The following PTPRK variants were observed in gnomAD, a reference collection of about 807,000 sequenced individuals.
PTPRK encodes the protein protein tyrosine phosphatase receptor type K.
Under a neutral mutation model 178.0 loss-of-function variants are expected in PTPRK, and 75 were observed. The ratio of observed to expected loss-of-function variants is 0.42; its 90% CI spans 0.35 to 0.51. The LOEUF (loss-of-function observed/expected upper bound fraction) is 0.51, where lower values mean the gene tolerates loss of function less well. PTPRK is among the 20% of genes least tolerant of loss of function. The pLI, the probability that PTPRK is intolerant of heterozygous loss-of-function variation, is 0.02. For missense variants in PTPRK, 1,441 were observed against 1,797.8 expected (o/e 0.80, Z 3.59); for synonymous variants, 637 against 620.6 (o/e 1.03, Z -0.39).
intron 13 of PTPRK, among the ~76,000 whole-genome samples, chr6:128,058,292 T>C (rs1339851877): frequency 6.6e-6 from 1 of 152,194 alleles, no homozygotes; most frequent in Non-Finnish European, 1.5e-5. Context: ...GTAGGAGATT[T>C]CCAGTTATTT....
intron 8 of PTPRK, among the ~76,000 whole-genome samples, chr6:128,086,066 A>G (rs1785752704): frequency 6.6e-6 from 1 of 152,302 alleles, no homozygotes; most frequent in South Asian, 2.1e-4. Context: ...GATTGCAGGG[A>G]ATGTCACTTC....
chr6:128,470,402 CG>C (rs980973505), intron 1 of PTPRK, among the ~76,000 whole-genome samples: 5 of 149,610 alleles, frequency 3.3e-5, no homozygotes, highest in African/African-American at 1.2e-4. Context: ...ACCTCTAATG[CG>C]TTTTTTTTTA....
At chr6:128,449,683 A>G (rs1334674075) in intron 1 of PTPRK, among the ~76,000 whole-genome samples, 3 of 152,144 alleles carry the variant, frequency 2.0e-5, no homozygotes, top group Non-Finnish European at 4.4e-5. Context: ...TTTGCATGTG[A>G]ATTAGGTGCT....
intron 7 of PTPRK, among the ~76,000 whole-genome samples, chr6:128,134,034 T>C (rs1009616674): frequency 2.0e-5 from 3 of 152,218 alleles, no homozygotes; most frequent in Non-Finnish European, 2.9e-5. Context: ...CCTATGAGCT[T>C]TTATTGGCCC....
At chr6:128,336,975 G>A (rs1254056924) in intron 2 of PTPRK, among the ~76,000 whole-genome samples, 3 of 152,110 alleles carry the variant, frequency 2.0e-5, no homozygotes, top group Non-Finnish European at 4.4e-5. Context: ...ACCTTGCCAT[G>A]CTAACTTGCC....
At chr6:128,051,498 T>A (rs1778988733) in intron 13 of PTPRK, among the ~76,000 whole-genome samples, 1 of 152,240 alleles carries the variant, frequency 6.6e-6, no homozygotes, top group African/African-American at 2.4e-5. Flanking sequence ...CCTCTTCTCA[T>A]CCTATTTTAT....
intron 7 of PTPRK, among the ~76,000 whole-genome samples, chr6:128,130,095 T>C (rs1246181398): frequency 2.0e-5 from 3 of 152,172 alleles, no homozygotes; most frequent in Non-Finnish European, 4.4e-5. Flanking sequence ...TCATAGAATG[T>C]TTTCAGATGA....
At chr6:128,290,702 T>C (rs999639870) in intron 3 of PTPRK, among the ~76,000 whole-genome samples, 7 of 152,132 alleles carry the variant, frequency 4.6e-5, no homozygotes, top group African/African-American at 1.4e-4. Flanking sequence ...TTATACCCTG[T>C]ATGTTTATCA....
At chr6:128,211,030 G>A (rs1265642050) in intron 6 of PTPRK, among the ~76,000 whole-genome samples, 1 of 152,088 alleles carries the variant, frequency 6.6e-6, no homozygotes, top group Non-Finnish European at 1.5e-5. Context: ...AGAAAGTTAT[G>A]TGCCTATAAC....
chr6:128,172,784 C>T lies in PTPRK; in HGVS notation c.1162+11648G>A, dbSNP rs1448876741. ...TAACATGTACATATGTGTGTACATA[C>T]GTGTGTATATGACATATATTCTATA... On this transcript the variant is annotated intron_variant, in intron 7 of 29. Coordinates refer to ENST00000368226, the MANE Select transcript of PTPRK (RefSeq NM_002844.4). Among the ~76,000 whole-genome samples, 8 of 151,474 alleles carry T rather than the reference C, an allele frequency of 5.3e-5. No individual in the cohort carries two copies. In the South Asian group the frequency reaches 6.2e-4, roughly 12 times the overall value.
At chr6:128,190,033 C>A (rs1803488051) in intron 6 of PTPRK, among the ~76,000 whole-genome samples, 1 of 152,084 alleles carries the variant, frequency 6.6e-6, no homozygotes, top group South Asian at 2.1e-4. Flanking sequence ...GAAAGATGAC[C>A]TTTGCTCCCA....
At chr6:128,429,276 A>G (rs1419488049) in intron 1 of PTPRK, among the ~76,000 whole-genome samples, 1 of 152,146 alleles carries the variant, frequency 6.6e-6, no homozygotes, top group Non-Finnish European at 1.5e-5. Flanking sequence ...TTGCTTTTTC[A>G]AAGTAGATAA....
At chr6:128,464,977 A>G (rs905841054) in intron 1 of PTPRK, among the ~76,000 whole-genome samples, 4 of 151,576 alleles carry the variant, frequency 2.6e-5, no homozygotes, top group African/African-American at 9.7e-5. Flanking sequence ...CTCTGAAAAA[A>G]GGTTTGGGAT....
At chr6:128,445,859 G>C (rs1360856739) in intron 1 of PTPRK, among the ~76,000 whole-genome samples, 1 of 152,072 alleles carries the variant, frequency 6.6e-6, no homozygotes, top group African/African-American at 2.4e-5. Context: ...TCTTTCACCT[G>C]TTTTCTTTTG....
rs1329944801 is a variant in PTPRK at position 128,165,790 on chromosome 6, AAATT to A, written c.1162+18638_1162+18641del. Among the ~76,000 whole-genome samples the A allele has an allele frequency of 3.3e-5, 5 of 151,578 alleles. 1 individual carries two copies. Among genetic ancestry groups the A allele is most frequent in the South Asian group, 4.1e-4 (2 of 4,828 alleles). ...CTATGAATACTCAAGCATTTATGAA[AAATT>A]AATGAAACTAAAGCCAAATCTATAT... On this transcript the variant is annotated intron_variant, in intron 7 of 29. Transcript: ENST00000368226.
chr6:128,449,590 T>C (rs1212156384), intron 1 of PTPRK, among the ~76,000 whole-genome samples: 1 of 152,214 alleles, frequency 6.6e-6, no homozygotes, highest in Admixed American at 6.5e-5. Context: ...CTCTGCTCTC[T>C]AGGTAAAAAC....
intron 7 of PTPRK, among the ~76,000 whole-genome samples, chr6:128,127,386 C>A (rs987633209): frequency 2.6e-5 from 4 of 152,208 alleles, no homozygotes; most frequent in Non-Finnish European, 5.9e-5. Context: ...TTAGGAAGAA[C>A]TGACATCTTA....
At chr6:128,278,191 C>T (rs1356723071) in intron 3 of PTPRK, among the ~76,000 whole-genome samples, 1 of 151,622 alleles carries the variant, frequency 6.6e-6, no homozygotes, top group Non-Finnish European at 1.5e-5. Flanking sequence ...GAGTCTCGCA[C>T]TGTAGCCTGG....
chr6:128,002,998 T>A (rs1562415277), intron 15 of PTPRK, among the ~76,000 whole-genome samples: 1 of 151,950 alleles, frequency 6.6e-6, no homozygotes, highest in East Asian at 1.9e-4. Flanking sequence ...AAGAATACAT[T>A]AAATAGCATG....
Sources: allele counts gnomAD v4.1 joint callset (sites outside exome capture counted in the v4.1 genomes callset), GRCh38; gene constraint gnomAD v4.1.1; transcripts MANE v1.5; gene names NCBI Gene and HGNC (gene_info 2026-07-23, HGNC 2026-07-21).